LAMA1: variants seen among roughly 807,000 people sequenced by gnomAD.
LAMA1 encodes the protein laminin subunit alpha-1.
LAMA1 carries 219 observed loss-of-function variants against 348.7 expected under a neutral mutation model. The observed-to-expected ratio is 0.63, with a 90% CI of 0.56 to 0.70. The LOEUF is 0.70. LAMA1 is among the 30% of genes least tolerant of loss of function. LAMA1 has a pLI of 0.00. For missense variants in LAMA1, 3,744 were observed against 3,888.0 expected (o/e 0.96, Z 0.99); for synonymous variants, 1,487 against 1,491.0 (o/e 1.00, Z 0.06).
intron 29 of LAMA1, 150 bp from the exon 30 acceptor site, chr18:7,002,535 T>A: frequency 1.1e-6 from 1 of 901,810 alleles, no homozygotes; most frequent in Non-Finnish European, 1.8e-6. Context: ...TCCATATTCT[T>A]AAAATCCTGA....
At chr18:6,967,637 C>T (rs1398450148) in intron 48 of LAMA1, among the ~76,000 whole-genome samples, 3 of 152,182 alleles carry the variant, frequency 2.0e-5, no homozygotes, top group Admixed American at 6.5e-5. Context: ...CGGAGGTCCT[C>T]GATGGGCCGG....
chr18:7,078,718 G>A (rs1401712105), intron 3 of LAMA1, among the ~76,000 whole-genome samples: 1 of 151,960 alleles, frequency 6.6e-6, no homozygotes, highest in African/African-American at 2.4e-5. Flanking sequence ...GGCCAGGTCT[G>A]GTGGCTCACT....
chr18:7,067,514 G>A (rs1195952129), intron 3 of LAMA1, among the ~76,000 whole-genome samples: 1 of 151,938 alleles, frequency 6.6e-6, no homozygotes, highest in Non-Finnish European at 1.5e-5. Flanking sequence ...TGGCTGCTGG[G>A]AGGGAGGAGA....
Position 6,943,394 on chromosome 18 carries a change from G to A in LAMA1, c.8853C>T (p.Phe2951=). 2 of 1,614,056 alleles carry A rather than the reference G, an allele frequency of 1.2e-6. No homozygotes were observed. The highest frequency in any genetic ancestry group is 8.5e-7 in the Non-Finnish European group (1 of 1,179,932). The change falls in exon 62 of 63, where the codon TTC becomes TTT. Residue 2951 remains phenylalanine (F), a synonymous_variant. Transcript: ENST00000389658. ...TCCTGCCAGCACCATTGTTGACATG[G>A]AACAAGACCTAAAAGCAAATATCTT... ...GLELVDGKVL[F]HVNNGAGRIT... is the part of the protein sequence containing the mutation.
intron 61 of LAMA1, among the ~76,000 whole-genome samples, chr18:6,946,263 TCTCATAAGGA>T (rs2057520940): frequency 6.6e-6 from 1 of 151,952 alleles, no homozygotes; most frequent in Non-Finnish European, 1.5e-5. Flanking sequence ...GAAAAGCTGA[TCTCATAAGGA>T]TACCTACTGC....
At chr18:7,113,382 A>G (rs78961001) in intron 1 of LAMA1, among the ~76,000 whole-genome samples, 15,770 of 152,186 alleles carry the variant, frequency 0.1, 1,022 homozygotes, top group East Asian at 0.32. Context: ...TTTACCCCCA[A>G]TGTGACACAG....
intron 27 of LAMA1, 72 bp from the exon 28 acceptor site, chr18:7,008,680 TA>T: frequency 6.5e-7 from 1 of 1,549,064 alleles, no homozygotes; most frequent in Admixed American, 1.7e-5. Flanking sequence ...GCACATGACC[TA>T]ACACTTGCAT....
At chr18:7,096,741 A>C (rs1356574959) in intron 1 of LAMA1, among the ~76,000 whole-genome samples, 1 of 152,204 alleles carries the variant, frequency 6.6e-6, no homozygotes, top group Non-Finnish European at 1.5e-5. Flanking sequence ...ATAATAAGGA[A>C]GTTGACAAAT....
Position 6,942,185 on chromosome 18 carries a change from C to T in LAMA1, c.9122G>A (p.Arg3041Lys). 6.2e-7 allele frequency: 1 copy of T among 1,614,186 alleles called. No individual in the cohort carries two copies. Among genetic ancestry groups the T allele is most frequent in the Non-Finnish European group, 8.5e-7 (1 of 1,180,038 alleles). The change falls in exon 63 of 63, where the codon AGG (arginine) becomes AAG (lysine). Residue 3041 changes from arginine (R) to lysine (K), a missense_variant. By Grantham distance (26) the Arg-to-Lys change is conservative (BLOSUM62 2). Transcript: ENST00000389658. The part of the protein sequence containing the change: ...RSQTSFRGCL[R>K]KLALIKSPQV... ...CGGGCTCTTAATCAGAGCTAGCTTC[C>T]TCAAACACCCGCGGAACGAGGTCTG...
intron 57 of LAMA1, among the ~76,000 whole-genome samples, chr18:6,952,537 CCTT>C (rs945277913): frequency 3.3e-5 from 5 of 152,190 alleles, no homozygotes; most frequent in Non-Finnish European, 7.3e-5. Context: ...TACAGCAGTC[CCTT>C]CTTATTTGCG....
At position 7,049,106 on chromosome 18, in the gene LAMA1, T is replaced by C. The variant is rs1598296924; in HGVS notation, c.740A>G (p.Lys247Arg). 6.2e-7 allele frequency: 1 copy of C among 1,613,982 alleles called. No homozygotes were observed. Among genetic ancestry groups the C allele is most frequent in the Non-Finnish European group, 8.5e-7 (1 of 1,180,018 alleles). Residue 247 changes from lysine to arginine, a missense_variant, in exon 5 of 63, where the codon AAA becomes AGA. Transcript: ENST00000389658. ...TCTGGTAACAATAGGATCCAGTTCT[T>C]TAGGTTCCCGGTGGCTAAGGGTCAT... is the stretch of plus-strand genomic sequence containing the variant. Reference protein sequence around the residue: ...DLMTLSHREPKELDPIVTRRY... With the variant: ...DLMTLSHREPRELDPIVTRRY...
At chr18:7,089,287 G>A (rs937788261) in intron 1 of LAMA1, among the ~76,000 whole-genome samples, 15 of 152,066 alleles carry the variant, frequency 9.9e-5, no homozygotes, top group Non-Finnish European at 1.9e-4. Flanking sequence ...ATTGAGGCAG[G>A]AGAATCACTT....
chr18:7,026,870 G>A (rs953201858), intron 16 of LAMA1, among the ~76,000 whole-genome samples: 12 of 151,912 alleles, frequency 7.9e-5, no homozygotes, highest in African/African-American at 1.4e-4. Context: ...GGTGGCGGGC[G>A]CCTGTAGTCC....
rs1430443201 is a variant in LAMA1 at position 6,943,270 on chromosome 18, C to T, written c.8977G>A (p.Val2993Ile). 2 of 1,614,204 alleles carry T rather than the reference C, an allele frequency of 1.2e-6. No homozygotes were observed. The highest frequency in any genetic ancestry group is 2.7e-5 in the African/African-American group (2 of 75,048). The change falls in exon 62 of 63, where the codon GTT becomes ATT. Residue 2993 changes from valine to isoleucine, a missense_variant. Around this residue, in one of 3 missense-constraint regions of LAMA1, gnomAD observed 232 missense variants for 264.4 expected, o/e 0.88. Coordinates refer to ENST00000389658, the MANE Select transcript of LAMA1 (RefSeq NM_005559.4). ...NKSKHRITLI[V>I]DGNAVGAESP... ...TCAGCGCCAACTGCGTTCCCGTCAACAATCAGAGTGATACGGTGTTTGCTT... is the reference window on the plus strand; with the variant it reads ...TCAGCGCCAACTGCGTTCCCGTCAATAATCAGAGTGATACGGTGTTTGCTT...
intron 36 of LAMA1, among the ~76,000 whole-genome samples, chr18:6,988,932 G>A (rs1383696245): frequency 7.1e-6 from 1 of 140,928 alleles, no homozygotes; most frequent in African/African-American, 2.6e-5. Context: ...CGGGCTGGAT[G>A]GAGTCTGCTC....
At chr18:7,091,856 T>C (rs1237029057) in intron 1 of LAMA1, among the ~76,000 whole-genome samples, 2 of 152,184 alleles carry the variant, frequency 1.3e-5, no homozygotes, top group Non-Finnish European at 2.9e-5. Context: ...GTACCTCCGA[T>C]CAAATCATTT....
In LAMA1 at chr18:7,060,648, G is replaced by C. The variant is rs79724820; in HGVS notation, c.346-9712C>G. Among the ~76,000 whole-genome samples the C allele has an allele frequency of 0.013, 1,927 of 152,254 alleles. 107 individuals are homozygous for C. In the East Asian group the frequency reaches 0.2, roughly 16 times the overall value. On this transcript the variant is annotated intron_variant, in intron 3 of 62. Transcript: ENST00000389658. ...TAAGAGAGATGATTGCTGACAAATA[G>C]AGGGCACAGAGATACGAGCCCATTT...
rs1209854625 is a variant in LAMA1 at position 7,114,336 on chromosome 18, G to C, written c.61+3324C>G. 5.3e-5 allele frequency among the ~76,000 whole-genome samples: 8 copies of C among 152,274 alleles called. No homozygotes were observed. In the East Asian group the frequency reaches 1.5e-3, roughly 29 times the overall value. On this transcript the variant is annotated intron_variant, in intron 1 of 62. Coordinates refer to ENST00000389658, the MANE Select transcript of LAMA1 (RefSeq NM_005559.4). ...TTTATAGATAGAAAGCTGACATTCA[G>C]AGAAGTTAAGAAACTTAGCCATGGC...
At chr18:6,960,303 C>G (rs1031010974) in intron 53 of LAMA1, 1 of 153,654 alleles carries the variant, frequency 6.5e-6, no homozygotes, top group Non-Finnish European at 1.4e-5. Flanking sequence ...GATGAACACA[C>G]TGTGGTATGT....
Sources: gnomAD v4.1 joint callset for allele counts (sites outside exome capture counted in the v4.1 genomes callset) on GRCh38, gnomAD v4.1.1 for gene constraint, gnomAD v4.1.1 regional missense constraint, MANE v1.5 for transcripts, NCBI Gene and HGNC (gene_info 2026-07-23, HGNC 2026-07-21) for gene names.